SUCLG2: variants seen among roughly 807,000 people sequenced by gnomAD.
SUCLG2 encodes succinate--CoA ligase [GDP-forming] subunit beta, mitochondrial.
A neutral mutation model predicts 47.9 loss-of-function variants in SUCLG2; 42 were observed. That is an observed-to-expected ratio of 0.88 (90% confidence interval 0.69 to 1.14). SUCLG2 has a LOEUF of 1.14. Ranked by LOEUF, SUCLG2 falls within the 50% of genes most tolerant of loss-of-function variation. The probability of loss-of-function intolerance (pLI) is 0.00; values close to 1 mark genes in which losing one functional copy is unlikely to be tolerated. For synonymous variants in SUCLG2, 195 were observed against 197.3 expected, an observed-to-expected ratio of 0.99 and a Z score of 0.10; for missense variants, 571 against 525.9, an observed-to-expected ratio of 1.09 and a Z score of -0.84.
At chr3:67,369,117 TCTC>T (rs1701917616) in intron 10 of SUCLG2, among the ~76,000 whole-genome samples, 1 of 152,162 alleles carries the variant, frequency 6.6e-6, no homozygotes, top group African/African-American at 2.4e-5. Context: ...TTTTCCTCCT[TCTC>T]CACTGATTTT....
At chr3:67,360,765 G>A in exon 11 of SUCLG2, 2 of 1,510,784 alleles carry the variant, frequency 1.3e-6, no homozygotes, top group Middle Eastern at 1.7e-4. Context: ...TTCCATAAAA[G>A]TACCTGAAAT....
At chr3:67,454,545 C>T (rs1041374457) in intron 9 of SUCLG2, among the ~76,000 whole-genome samples, 1 of 152,142 alleles carries the variant, frequency 6.6e-6, no homozygotes, top group African/African-American at 2.4e-5. Flanking sequence ...ATATATGTAG[C>T]TATACATATA....
chr3:67,610,292 T>C (rs1421711634), intron 1 of SUCLG2, among the ~76,000 whole-genome samples: 1 of 152,212 alleles, frequency 6.6e-6, no homozygotes, highest in Non-Finnish European at 1.5e-5. Context: ...GACTGACTAT[T>C]AATTAAACTA....
chr3:67,400,338 C>A (rs887783124), intron 10 of SUCLG2, among the ~76,000 whole-genome samples: 1 of 151,922 alleles, frequency 6.6e-6, no homozygotes, highest in South Asian at 2.1e-4. Context: ...ATTAATTTAT[C>A]AATTAAATCA....
At chr3:67,538,352 C>T (rs1329699676) in intron 2 of SUCLG2, among the ~76,000 whole-genome samples, 1 of 152,146 alleles carries the variant, frequency 6.6e-6, no homozygotes, top group Non-Finnish European at 1.5e-5. Context: ...TTGTATTTGT[C>T]AGGTTTGTCA....
chr3:67,486,518 A>G (rs763559142), intron 9 of SUCLG2, among the ~76,000 whole-genome samples: 2 of 152,336 alleles, frequency 1.3e-5, no homozygotes, highest in Non-Finnish European at 2.9e-5. Context: ...TATTTTCATC[A>G]GCAGATCAAT....
intron 2 of SUCLG2, among the ~76,000 whole-genome samples, chr3:67,548,771 T>C (rs1351714518): frequency 6.6e-6 from 1 of 152,168 alleles, no homozygotes; most frequent in Non-Finnish European, 1.5e-5. Context: ...TCCTAAATAC[T>C]TACTGAGACT....
At chr3:67,408,952 T>C in intron 9 of SUCLG2, 10 of 1,534,440 alleles carry the variant, frequency 6.5e-6, no homozygotes, top group Non-Finnish European at 7.9e-6. Flanking sequence ...AGCTCCATAT[T>C]GGTCCTATTT....
rs1217179958 is a variant in SUCLG2, at chr3:67,408,914, G to A, written c.1063-8063C>T. ...CCCTCTGGCAGTCTCTCTATAATCA[G>A]AGACTCCCAAGATGAGTCAGGAGTT... On this transcript the variant is annotated intron_variant, in intron 9 of 10. Coordinates refer to ENST00000307227, the MANE Select transcript of SUCLG2 (RefSeq NM_003848.4). 4 of 1,518,032 alleles carry A rather than the reference G, an allele frequency of 2.6e-6. No homozygotes were observed. In the Admixed American group the frequency reaches 8.5e-5, roughly 32 times the overall value. The allele number at this position is 1,518,032 out of a possible 1,614,324, so 94.0% of individuals were successfully genotyped here.
At chr3:67,439,403 G>A (rs1703703174) in intron 9 of SUCLG2, among the ~76,000 whole-genome samples, 1 of 152,110 alleles carries the variant, frequency 6.6e-6, no homozygotes, top group East Asian at 1.9e-4. Flanking sequence ...TCAGGCAAGA[G>A]AAATAAAGGG....
chr3:67,610,714 C>T (rs376575650), intron 1 of SUCLG2, among the ~76,000 whole-genome samples: 33 of 152,290 alleles, frequency 2.2e-4, no homozygotes, highest in African/African-American at 5.3e-4. Flanking sequence ...CTTCTGTCCA[C>T]GGCTTTGGTG....
chr3:67,597,775 G>A (rs995058751), intron 2 of SUCLG2, among the ~76,000 whole-genome samples: 4 of 151,596 alleles, frequency 2.6e-5, no homozygotes, highest in South Asian at 4.2e-4. Context: ...CCATCTCTAC[G>A]AAAAATACAA....
At chr3:67,642,531 G>A (rs1326447195) in intron 1 of SUCLG2, among the ~76,000 whole-genome samples, 1 of 152,056 alleles carries the variant, frequency 6.6e-6, no homozygotes, top group Non-Finnish European at 1.5e-5. Flanking sequence ...GATTCATTGT[G>A]CCCAGAAGTT....
rs183694157 is a variant in SUCLG2, at chr3:67,502,766, T to G, written c.758-4471A>C. Among the ~76,000 whole-genome samples, 71 of 152,384 alleles carry G rather than the reference T, an allele frequency of 4.7e-4. 1 individual carries two copies. In the East Asian group the frequency reaches 0.013, roughly 27 times the overall value. On this transcript the variant is annotated intron_variant, in intron 7 of 10. Coordinates refer to ENST00000307227, the MANE Select transcript of SUCLG2 (RefSeq NM_003848.4). Reference sequence around the variant, plus strand: ...AAGCAAATGTCTCCCATAGTTTACATATGTACAGGTTACCCATGGTTTTCA... The same window carrying G: ...AAGCAAATGTCTCCCATAGTTTACAGATGTACAGGTTACCCATGGTTTTCA...
chr3:67,432,373 A>G (rs1172637669), intron 9 of SUCLG2, among the ~76,000 whole-genome samples: 5 of 152,222 alleles, frequency 3.3e-5, no homozygotes. Context: ...ACTAGAGGTG[A>G]TAATATTAAT....
chr3:67,631,672 A>G (rs539393763), intron 1 of SUCLG2, among the ~76,000 whole-genome samples: 2 of 152,254 alleles, frequency 1.3e-5, no homozygotes, highest in Non-Finnish European at 2.9e-5. Flanking sequence ...TCATCTACAG[A>G]AAAAGTTTAC....
chr3:67,486,157 C>T (rs1326517275), intron 9 of SUCLG2, among the ~76,000 whole-genome samples: 1 of 152,044 alleles, frequency 6.6e-6, no homozygotes, highest in African/African-American at 2.4e-5. Flanking sequence ...CCTAGCAACT[C>T]AGGAGGCTGA....
At chr3:67,485,206 T>A (rs952380522) in intron 9 of SUCLG2, among the ~76,000 whole-genome samples, 15 of 152,326 alleles carry the variant, frequency 9.8e-5, no homozygotes, top group African/African-American at 3.4e-4. Context: ...TAACTCAAAT[T>A]AGAAGTCCAC....
rs138800645 is a variant in SUCLG2, at chr3:67,411,495, G to A, written c.1063-10644C>T. Among the ~76,000 whole-genome samples the A allele has an allele frequency of 5.7e-4, 87 of 152,142 alleles. 1 individual carries two copies. The East Asian group carries it at 0.016, about 28-fold the overall frequency. On this transcript the variant is annotated intron_variant, in intron 9 of 10. Transcript: ENST00000307227. ...TCAAAACCCTAGTGGATAAATATCTGGCTGGAAAGAGTAAAAACATAAGAT... is the reference window on the plus strand; with the variant it reads ...TCAAAACCCTAGTGGATAAATATCTAGCTGGAAAGAGTAAAAACATAAGAT...
Sources: gnomAD v4.1 joint callset for allele counts (sites outside exome capture counted in the v4.1 genomes callset) on GRCh38, gnomAD v4.1.1 for gene constraint, MANE v1.5 for transcripts, NCBI Gene and HGNC (gene_info 2026-07-23, HGNC 2026-07-21) for gene names.